Variants in SLC7A14 observed in about 807,000 individuals in gnomAD.
The protein encoded by SLC7A14 is solute carrier family 7 member 14, also known as gamma-aminobutyric acid transporter SLC7A14.
A neutral mutation model predicts 60.2 loss-of-function variants in SLC7A14; 37 were observed. That is an observed-to-expected ratio of 0.61 (90% CI 0.47 to 0.81). The LOEUF is 0.81. Among genes scored for constraint, SLC7A14 ranks in the 30% least tolerant of loss-of-function variants. SLC7A14 has a pLI of 0.00. For missense variants in SLC7A14, 886 were observed against 982.7 expected (o/e 0.90, Z 1.32); for synonymous variants, 399 against 395.8 (o/e 1.01, Z -0.10).
chr3:170,490,456 A>C (rs574703358), intron 4 of SLC7A14, among the ~76,000 whole-genome samples: 121 of 152,332 alleles, frequency 7.9e-4, no homozygotes, highest in Middle Eastern at 6.8e-3. Flanking sequence ...TTGGCACAAC[A>C]ACCATATAAA....
intron 2 of SLC7A14, among the ~76,000 whole-genome samples, chr3:170,503,752 C>T (rs925522279): frequency 1.3e-5 from 2 of 152,152 alleles, no homozygotes; most frequent in South Asian, 2.1e-4. Flanking sequence ...CCATAACATT[C>T]GATCTGACAA....
intron 1 of SLC7A14, among the ~76,000 whole-genome samples, chr3:170,582,615 T>G: frequency 6.6e-6 from 1 of 152,170 alleles, no homozygotes; most frequent in East Asian, 1.9e-4. Flanking sequence ...AATTACAAAT[T>G]ATACCTTAAT....
At chr3:170,477,841 A>G (rs2108267264) in intron 7 of SLC7A14, among the ~76,000 whole-genome samples, 1 of 152,346 alleles carries the variant, frequency 6.6e-6, no homozygotes, top group Middle Eastern at 3.4e-3. Context: ...CACTGTGGGT[A>G]GCATTGTACT....
intron 4 of SLC7A14, 115 bp from the exon 5 acceptor site, chr3:170,486,483 T>C: frequency 7.4e-7 from 1 of 1,351,282 alleles, no homozygotes; most frequent in African/African-American, 1.4e-5. Flanking sequence ...GCTGAGGGAG[T>C]AACATGGTGG....
chr3:170,551,953 G>A (rs996658446), intron 1 of SLC7A14, among the ~76,000 whole-genome samples: 15 of 151,930 alleles, frequency 9.9e-5, no homozygotes, highest in African/African-American at 3.6e-4. Context: ...TATTGTTTAT[G>A]CTTTTGATAT....
In SLC7A14 at chr3:170,585,308, G is replaced by A. The variant is rs923596095; in HGVS notation, c.-153+603C>T. Among the ~76,000 whole-genome samples, 2 of 152,146 alleles carry A rather than the reference G, an allele frequency of 1.3e-5. No homozygotes were observed. Among genetic ancestry groups the A allele is most frequent in the African/African-American group, 4.8e-5 (2 of 41,466 alleles). ...CCCGGGAGAGTCACCACTCTCCGGG[G>A]ACAGACGCCCCTCGGGGCGCCACCA... On this transcript the variant is annotated intron_variant, in intron 1 of 7. Coordinates refer to ENST00000231706, the MANE Select transcript of SLC7A14 (RefSeq NM_020949.3). The surrounding 1 kb of genome is among the most constrained non-coding windows in gnomAD (Gnocchi z 5.1).
In SLC7A14 at chr3:170,486,652, TC is replaced by T. The variant is rs202136786; in HGVS notation, c.760-285del. On this transcript the variant is annotated intron_variant, in intron 4 of 7. Coordinates refer to ENST00000231706, the MANE Select transcript of SLC7A14 (RefSeq NM_020949.3). ...ACTTTGAGAGGCCGATGGGGGTGGA[TC>T]ACGAGGTCAGGAGTTTGAGAACAGC... Among the ~76,000 whole-genome samples, 599 of 152,174 alleles carry T rather than the reference TC, an allele frequency of 3.9e-3. 9 individuals are homozygous for T. The highest frequency in any genetic ancestry group is 0.014 in the African/African-American group (575 of 41,522).
In SLC7A14 at chr3:170,480,766, C is replaced by T. The variant is rs80100530; in HGVS notation, c.1516G>A (p.Val506Ile). ...ACGGTGCCGTAATTGGGGTGGTTGA[C>T]GTTGTAGGTTGACTTGTCTGATTTC... is the stretch of plus-strand genomic sequence containing the variant. ...IGKSDKSTYN[V>I]NHPNYGTVDM... Residue 506 changes from valine to isoleucine, a missense_variant, in exon 7 of 8, where the codon GTC (valine) becomes ATC (isoleucine). Coordinates refer to ENST00000231706, the MANE Select transcript of SLC7A14 (RefSeq NM_020949.3). 115 of 1,614,144 alleles carry T rather than the reference C, an allele frequency of 7.1e-5. No individual in the cohort carries two copies. In the African/African-American group the frequency reaches 1.2e-3, roughly 17 times the overall value.
chr3:170,538,147 G>C (rs867680952), intron 1 of SLC7A14, among the ~76,000 whole-genome samples: 1 of 152,266 alleles, frequency 6.6e-6, no homozygotes, highest in Middle Eastern at 3.4e-3. Context: ...ATCTTTAAGT[G>C]GATGCATCTC....
chr3:170,543,314 C>A (rs1048680580), intron 1 of SLC7A14, among the ~76,000 whole-genome samples: 1 of 152,056 alleles, frequency 6.6e-6, no homozygotes. Flanking sequence ...CTATGCTCTG[C>A]GTTAAAGAGA....
rs905436782 is a variant in SLC7A14, at chr3:170,541,900, A to C, written c.-152-14812T>G. ...AATTATGTAACTAAAACCCCAAACA[A>C]AACACAGAAGCTCCCAGAATAACGT... On this transcript the variant is annotated intron_variant, in intron 1 of 7. Transcript: ENST00000231706. 2.0e-5 allele frequency among the ~76,000 whole-genome samples: 3 copies of C among 152,214 alleles called. No individual in the cohort carries two copies. In the East Asian group the frequency reaches 5.8e-4, roughly 29 times the overall value.
chr3:170,501,110 C>T lies in SLC7A14; in HGVS notation c.540G>A (p.Leu180=), dbSNP rs1712592610. ...MADSVGTLNG[L]GKGEESYPDL... ...GGTAGGAGGATGTGGCAGTCTCACC[C>T]AGGCCATTGAGGGTTCCCACGCTGT... The change falls in exon 3 of 8, where the codon CTG becomes CTA. Residue 180 remains leucine, a splice_region_variant and synonymous_variant. Coordinates refer to ENST00000231706, the MANE Select transcript of SLC7A14 (RefSeq NM_020949.3). The T allele has an allele frequency of 1.2e-6, 2 of 1,614,040 alleles. No individual in the cohort carries two copies. Among genetic ancestry groups the T allele is most frequent in the Admixed American group, 3.3e-5 (2 of 60,008 alleles).
At chr3:170,576,762 T>C (rs1715102729) in intron 1 of SLC7A14, among the ~76,000 whole-genome samples, 1 of 152,114 alleles carries the variant, frequency 6.6e-6, no homozygotes, top group Non-Finnish European at 1.5e-5. Context: ...TTCTGCAGGA[T>C]TTTTCTGTCT....
chr3:170,585,607 C>T lies in SLC7A14; in HGVS notation c.-153+304G>A, dbSNP rs1386605685. On this transcript the variant is annotated intron_variant, in intron 1 of 7. Transcript: ENST00000231706. The surrounding 1 kb of genome is among the most constrained non-coding windows in gnomAD (Gnocchi z 5.1). ...CCGCTCTAGCGGCGCCGGAGCCGCG[C>T]TGGCCCCCGCCCCGCCCGGCAGCTC... is the stretch of plus-strand genomic sequence containing the variant. 6.6e-6 allele frequency among the ~76,000 whole-genome samples: 1 copy of T among 152,178 alleles called. No individual in the cohort carries two copies. The highest frequency in any genetic ancestry group is 1.5e-5 in the Non-Finnish European group (1 of 68,026).
At chr3:170,482,788 C>G (rs1037037644) in intron 6 of SLC7A14, among the ~76,000 whole-genome samples, 5 of 152,096 alleles carry the variant, frequency 3.3e-5, no homozygotes, top group South Asian at 2.1e-4. Flanking sequence ...ACTGTGAGGA[C>G]TAAATGGGAT....
At chr3:170,486,068 A>AT (rs1459180450) in intron 5 of SLC7A14, among the ~76,000 whole-genome samples, 154 bp downstream of exon 5, 1 of 151,920 alleles carries the variant, frequency 6.6e-6, no homozygotes, top group Non-Finnish European at 1.5e-5. Flanking sequence ...TGGAGTCCTA[A>AT]TTTTTTTCTT....
At chr3:170,498,069 A>G (rs1712466078) in intron 4 of SLC7A14, among the ~76,000 whole-genome samples, 1 of 152,200 alleles carries the variant, frequency 6.6e-6, no homozygotes, top group Non-Finnish European at 1.5e-5. Flanking sequence ...TTATTTTCCT[A>G]GTGTCATACC....
Position 170,466,987 on chromosome 3 carries a change from C to T in SLC7A14, c.*68G>A, listed in dbSNP as rs1739734036. ...GAAATGAGAGCCAAAAAAGTTTTCA[C>T]CTTCTAGCCCACAGGTTAAGTTACT... On this transcript the variant is annotated 3_prime_UTR_variant, in exon 8 of 8. Coordinates refer to ENST00000231706, the MANE Select transcript of SLC7A14 (RefSeq NM_020949.3). The T allele has an allele frequency of 7.1e-7, 1 of 1,410,318 alleles. No homozygotes were observed. Among genetic ancestry groups the T allele is most frequent in the Non-Finnish European group, 9.6e-7 (1 of 1,043,228 alleles). The allele number at this position is 1,410,318 out of a possible 1,614,324, so 87.4% of individuals were successfully genotyped here. A position where few individuals can be genotyped will look rare whatever the true frequency, so the allele number is the denominator to read the frequency against.
At chr3:170,479,900 A>AT (rs779847294) in intron 7 of SLC7A14, among the ~76,000 whole-genome samples, 5 of 151,838 alleles carry the variant, frequency 3.3e-5, no homozygotes, top group Non-Finnish European at 5.9e-5. Context: ...ATAGTTTTTC[A>AT]TTTTACAATT....
Sources: gnomAD v4.1 joint callset for allele counts (sites outside exome capture counted in the v4.1 genomes callset) on GRCh38, gnomAD v4.1.1 for gene constraint, Gnocchi (gnomAD v3.1) non-coding constraint, MANE v1.5 for transcripts, NCBI Gene and HGNC (gene_info 2026-07-23, HGNC 2026-07-21) for gene names.